KCNAB2: variants seen among roughly 807,000 people sequenced by gnomAD.
KCNAB2 encodes potassium voltage-gated channel subfamily A regulatory beta subunit 2, also known as voltage-gated potassium channel subunit beta-2.
KCNAB2 carries 29 observed loss-of-function variants against 63.6 expected under a neutral mutation model. The observed-to-expected ratio is 0.46, with a 90% CI of 0.34 to 0.62. The LOEUF (loss-of-function observed/expected upper bound fraction) is 0.62. KCNAB2 is among the 20% of genes least tolerant of loss of function. The probability of loss-of-function intolerance (pLI) is 0.01; values close to 1 mark genes in which losing one functional copy is unlikely to be tolerated. For synonymous variants in KCNAB2, 222 were observed against 224.2 expected, an observed-to-expected ratio of 0.99 and a Z score of 0.09; for missense variants, 359 against 563.9, an observed-to-expected ratio of 0.64 and a Z score of 3.68.
chr1:6,086,233 AG>A lies in KCNAB2; in HGVS notation c.425+989del. The A allele has an allele frequency of 1.0e-6, 1 of 985,160 alleles. No homozygotes were observed. The highest frequency in any genetic ancestry group is 1.2e-6 in the Non-Finnish European group (1 of 829,726). 61.0% of individuals were successfully genotyped at this position (985,160 alleles called of 1,614,324 possible). A position where few individuals can be genotyped will look rare whatever the true frequency, so the allele number is the denominator to read the frequency against. ...AATGCCACTCAGAATCCCAGTGCCA[AG>A]GGGAGCCCCCGCCCCCTCCCCCATG... On this transcript the variant is annotated intron_variant, in intron 6 of 15. Transcript: ENST00000378083. This position sits in a 1 kb window ranked among gnomAD's most constrained non-coding sequence, Gnocchi z 4.2.
upstream of KCNAB2, among the ~76,000 whole-genome samples, chr1:6,042,166 G>T (rs2100467202): frequency 6.6e-6 from 1 of 152,332 alleles, no homozygotes; most frequent in South Asian, 2.1e-4. Context: ...TACCGTTAAA[G>T]CTTCACTCAT....
At chr1:6,095,256 G>A (rs1665519710) in intron 11 of KCNAB2, 67 bp from the exon 12 acceptor site, 3 of 1,527,942 alleles carry the variant, frequency 2.0e-6, no homozygotes, top group Admixed American at 2.0e-5. Flanking sequence ...CCCTCTCCAT[G>A]GCTGCCCCGG....
intron 8 of KCNAB2, 137 bp from the exon 9 acceptor site, chr1:6,090,252 C>T: frequency 1.7e-6 from 1 of 600,632 alleles, no homozygotes; most frequent in Non-Finnish European, 3.0e-6. Flanking sequence ...TTCACGACCT[C>T]CATCAGCTTC....
At position 6,003,127 on chromosome 1, in the gene KCNAB2, C is replaced by G. The variant is rs1557919161; in HGVS notation, c.-53+10339C>G. Among the ~76,000 whole-genome samples, 1 of 152,212 alleles carries G rather than the reference C, an allele frequency of 6.6e-6. No homozygotes were observed. Among genetic ancestry groups the G allele is most frequent in the African/African-American group, 2.4e-5 (1 of 41,462 alleles). The stretch of plus-strand genomic sequence containing the variant: ...GCGGGCGCTCGCCCTTGGCCTCGCT[C>G]CTGAGCCACAGTCACCAGGGTGCCA... On this transcript the variant is annotated intron_variant, in intron 1 of 16. Transcript: ENST00000341524. The surrounding 1 kb of genome is among the most constrained non-coding windows in gnomAD (Gnocchi z 4.1).
chr1:5,999,510 G>A (rs1427703574), intron 1 of KCNAB2, among the ~76,000 whole-genome samples: 1 of 152,204 alleles, frequency 6.6e-6, no homozygotes, highest in East Asian at 1.9e-4. Flanking sequence ...GGGCTTTGCG[G>A]GGGTTTCTGT....
intron 8 of KCNAB2, among the ~76,000 whole-genome samples, chr1:6,090,171 C>T (rs1665066044): frequency 6.6e-6 from 1 of 152,188 alleles, no homozygotes; most frequent in African/African-American, 2.4e-5. Context: ...GGCCTGTGGT[C>T]CCCCGATGTC....
Position 6,072,737 on chromosome 1 carries a change from G to GT in KCNAB2, c.219-17dup, listed in dbSNP as rs776680770. On this transcript the variant is annotated splice_polypyrimidine_tract_variant and intron_variant, in intron 2 of 15. Coordinates refer to ENST00000378083, the MANE Select transcript of KCNAB2 (RefSeq NM_001199862.2). ...TCCTGCCTGGGTGCTGAGAACTCAC[G>GT]TGGCGTTTGTTTTTCAGGAACCTGG... 1.2e-6 allele frequency: 2 copies of GT among 1,613,748 alleles called. No individual in the cohort carries two copies. The highest frequency in any genetic ancestry group is 2.2e-5 in the South Asian group (2 of 91,032).
chr1:5,997,087 G>A (rs1041614242), intron 1 of KCNAB2, among the ~76,000 whole-genome samples: 2 of 152,096 alleles, frequency 1.3e-5, no homozygotes, highest in Admixed American at 6.6e-5. Context: ...TAGGAGCCTG[G>A]GGCTTCCCTG....
At chr1:6,037,032 A>C (rs1023697287) in intron 1 of KCNAB2, among the ~76,000 whole-genome samples, 4 of 152,194 alleles carry the variant, frequency 2.6e-5, no homozygotes, top group Non-Finnish European at 4.4e-5. Context: ...TTATTTACAA[A>C]AATAGGCAGC....
At chr1:6,044,175 C>T (rs1305275058), upstream of KCNAB2, among the ~76,000 whole-genome samples, 2 of 152,162 alleles carry the variant, frequency 1.3e-5, no homozygotes, top group African/African-American at 2.4e-5. Context: ...TATATTGCCC[C>T]CACCAGTGGG....
chr1:5,999,933 C>T (rs1005602085), intron 1 of KCNAB2, among the ~76,000 whole-genome samples: 52 of 142,148 alleles, frequency 3.7e-4, no homozygotes, highest in East Asian at 4.0e-4. Context: ...GTCCGCATCC[C>T]GCCTGCGCCC....
At chr1:6,082,112 C>A (rs1664260617) in intron 4 of KCNAB2, 83 bp from the exon 5 acceptor site, 1 of 1,208,498 alleles carries the variant, frequency 8.3e-7, no homozygotes. Context: ...CACGGGGAGG[C>A]CTCCCAGGCC....
chr1:6,054,646 T>C (rs1393504245), intron 2 of KCNAB2, among the ~76,000 whole-genome samples: 1 of 152,086 alleles, frequency 6.6e-6, no homozygotes, highest in African/African-American at 2.4e-5. Flanking sequence ...GGATACAGAA[T>C]TTTCTGGGGT....
At chr1:6,072,472 T>TCC (rs2100656028) in intron 2 of KCNAB2, among the ~76,000 whole-genome samples, 1 of 152,296 alleles carries the variant, frequency 6.6e-6, no homozygotes, top group South Asian at 2.1e-4. Context: ...ACAGACAGCG[T>TCC]CCCTGTGCAT....
Position 6,016,276 on chromosome 1 carries a change from G to A in KCNAB2, c.-53+23488G>A, listed in dbSNP as rs190786147. Reference sequence around the variant, plus strand: ...TGCTGGGCCACCCTCCAACATCTCCGAGTGAGGGGTGGGTGGGACTCCACA... The same window carrying A: ...TGCTGGGCCACCCTCCAACATCTCCAAGTGAGGGGTGGGTGGGACTCCACA... On this transcript the variant is annotated intron_variant, in intron 1 of 16. Coordinates refer to the KCNAB2 transcript ENST00000341524. 5.6e-3 allele frequency among the ~76,000 whole-genome samples: 855 copies of A among 152,310 alleles called. 4 individuals are homozygous for A. The highest frequency in any genetic ancestry group is 6.7e-3 in the Non-Finnish European group (455 of 68,016).
intron 3 of KCNAB2, 142 bp downstream of exon 3, chr1:6,072,940 A>T: frequency 4.3e-5 from 26 of 603,186 alleles, no homozygotes; most frequent in Non-Finnish European, 4.5e-5. Context: ...AGAGCCCAGG[A>T]TTCAGGGGGG....
intron 2 of KCNAB2, among the ~76,000 whole-genome samples, chr1:6,070,945 A>G (rs1571020309): frequency 6.8e-6 from 1 of 146,208 alleles, no homozygotes; most frequent in South Asian, 2.1e-4. Context: ...TGCCTACAGG[A>G]GCAATATTGC....
At chr1:6,093,670 C>A (rs1202089940) in intron 10 of KCNAB2, among the ~76,000 whole-genome samples, 3 of 152,204 alleles carry the variant, frequency 2.0e-5, no homozygotes, top group Non-Finnish European at 1.5e-5. Flanking sequence ...GGAGGAGCAC[C>A]CAGACCCCTG....
chr1:6,085,381 G>A, intron 6 of KCNAB2, 133 bp downstream of exon 6: 1 of 802,492 alleles, frequency 1.2e-6, no homozygotes, highest in Non-Finnish European at 2.1e-6. Context: ...GGGAAGTGGA[G>A]AGGAAAATTC....
Sources: gnomAD v4.1 joint callset for allele counts (sites outside exome capture counted in the v4.1 genomes callset) on GRCh38, gnomAD v4.1.1 for gene constraint, Gnocchi (gnomAD v3.1) non-coding constraint, MANE v1.5 for transcripts, NCBI Gene and HGNC (gene_info 2026-07-23, HGNC 2026-07-21) for gene names.